The following LRTM1 variants were observed in gnomAD, a reference collection of about 807,000 sequenced individuals.
LRTM1 encodes the protein leucine-rich repeat and transmembrane domain-containing protein 1.
Under a neutral mutation model 32.4 loss-of-function variants are expected in LRTM1, and 38 were observed. The ratio of observed to expected loss-of-function variants is 1.17; its 90% CI spans 0.91 to 1.54. The LOEUF (loss-of-function observed/expected upper bound fraction) is 1.54. LRTM1 is among the 40% of genes most tolerant of loss of function. The pLI is 0.00. For synonymous variants in LRTM1, 186 were observed against 169.9 expected, an observed-to-expected ratio of 1.09 and a Z score of -0.74; for missense variants, 466 against 415.4, an observed-to-expected ratio of 1.12 and a Z score of -1.06.
chr3:54,929,821 G>A (rs1245589493), upstream of LRTM1, among the ~76,000 whole-genome samples: 1 of 151,990 alleles, frequency 6.6e-6, no homozygotes, highest in Non-Finnish European at 1.5e-5. Context: ...CATTATTAAT[G>A]GAAATACATA....
intron 1 of LRTM1, among the ~76,000 whole-genome samples, chr3:54,941,282 A>G (rs998078379): frequency 3.3e-5 from 5 of 152,332 alleles, no homozygotes; most frequent in Non-Finnish European, 4.4e-5. Context: ...TAAAATACTG[A>G]TTTGTGGATA....
At chr3:54,921,479 T>C (rs1029109986) in intron 2 of LRTM1, among the ~76,000 whole-genome samples, 4 of 152,190 alleles carry the variant, frequency 2.6e-5, no homozygotes, top group African/African-American at 9.6e-5. Flanking sequence ...GTGTGCATAT[T>C]TCTTTGGAGG....
chr3:54,935,628 A>G (rs1575389907), intron 1 of LRTM1, among the ~76,000 whole-genome samples: 2 of 152,310 alleles, frequency 1.3e-5, no homozygotes, highest in Admixed American at 6.5e-5. Flanking sequence ...GCTCATGTTA[A>G]CACATGAAAT....
chr3:54,924,714 G>C lies in LRTM1; in HGVS notation c.509C>G (p.Pro170Arg), dbSNP rs753911246. 4 of 1,614,116 alleles carry C rather than the reference G, an allele frequency of 2.5e-6. No homozygotes were observed. In the South Asian group the frequency reaches 4.4e-5, roughly 18 times the overall value. Residue 170 changes from proline to arginine, a missense_variant, in exon 2 of 3, where the codon CCC becomes CGC. Transcript: ENST00000273286. ...QLDRALLESM[P>R]SVRLLLLKDN... Reference sequence around the variant, plus strand: ...CTTGAGAAGTAAAAGCCTCACACTGGGCATGGATTCCAGGAGCGCTCGATC... The same window carrying C: ...CTTGAGAAGTAAAAGCCTCACACTGCGCATGGATTCCAGGAGCGCTCGATC...
intron 1 of LRTM1, among the ~76,000 whole-genome samples, chr3:54,956,875 C>T (rs370922515): frequency 1.3e-5 from 2 of 152,168 alleles, no homozygotes; most frequent in East Asian, 3.9e-4. Context: ...GAGCACACTA[C>T]ATCTTACAGT....
chr3:54,925,287 G>C, intron 1 of LRTM1, 72 bp from the exon 2 acceptor site: 2 of 1,240,838 alleles, frequency 1.6e-6, no homozygotes, highest in Admixed American at 1.9e-5. Context: ...TTCCGCCTTT[G>C]AATTTACAGG....
chr3:54,944,022 T>C (rs181503474), intron 1 of LRTM1, among the ~76,000 whole-genome samples: 17 of 152,346 alleles, frequency 1.1e-4, no homozygotes, highest in African/African-American at 3.8e-4. Context: ...GGCCATAGAA[T>C]ACCTGGCTGA....
chr3:54,947,218 G>T (rs1575399095), intron 1 of LRTM1, among the ~76,000 whole-genome samples: 1 of 152,270 alleles, frequency 6.6e-6, no homozygotes, highest in East Asian at 1.9e-4. Flanking sequence ...TCCACAGCTG[G>T]TAAGTGGGAT....
At chr3:54,935,258 C>T (rs1701300286) in intron 1 of LRTM1, among the ~76,000 whole-genome samples, 1 of 152,062 alleles carries the variant, frequency 6.6e-6, no homozygotes. Context: ...GTTAATCCTC[C>T]CTATACTGTC....
chr3:54,931,849 G>T (rs917698994), upstream of LRTM1, among the ~76,000 whole-genome samples: 1 of 152,134 alleles, frequency 6.6e-6, no homozygotes, highest in Non-Finnish European at 1.5e-5. Flanking sequence ...AATCCAGCAT[G>T]TAATAGCTCT....
At chr3:54,931,019 C>T (rs1701174873), upstream of LRTM1, among the ~76,000 whole-genome samples, 1 of 152,156 alleles carries the variant, frequency 6.6e-6, no homozygotes, top group Non-Finnish European at 1.5e-5. Context: ...TCGCTTGAAC[C>T]CAGGAGGCAG....
intron 1 of LRTM1, among the ~76,000 whole-genome samples, chr3:54,926,009 T>G (rs1701003737): frequency 6.6e-6 from 1 of 152,192 alleles, no homozygotes; most frequent in African/African-American, 2.4e-5. Context: ...CCTTCATGGG[T>G]TATTGTACTT....
chr3:54,941,596 A>G (rs1356339811), intron 1 of LRTM1, among the ~76,000 whole-genome samples: 1 of 152,168 alleles, frequency 6.6e-6, no homozygotes, highest in Non-Finnish European at 1.5e-5. Context: ...TCCCCTCACA[A>G]TGCCCCATAT....
chr3:54,950,979 C>T (rs957814677), intron 1 of LRTM1, among the ~76,000 whole-genome samples: 1 of 152,170 alleles, frequency 6.6e-6, no homozygotes, highest in Non-Finnish European at 1.5e-5. Flanking sequence ...TGAGTCTTCT[C>T]ACACCCAAGG....
rs1701972236 is a variant in LRTM1 at position 54,959,073 on chromosome 3, C to T, written c.-222+7855G>A. ...CCATGATCGCGCCACTGCACTCCAGCCTGGGCAACAGAGCAAGATCTTGCA... is the reference window on the plus strand; with the variant it reads ...CCATGATCGCGCCACTGCACTCCAGTCTGGGCAACAGAGCAAGATCTTGCA... On this transcript the variant is annotated intron_variant, in intron 1 of 2. Transcript: ENST00000493075. 2.6e-5 allele frequency among the ~76,000 whole-genome samples: 4 copies of T among 152,190 alleles called. No individual in the cohort carries two copies. The South Asian group carries it at 8.3e-4, about 32-fold the overall frequency.
chr3:54,918,339 T>TTC lies in LRTM1; in HGVS notation c.*119_*120insGA. 3.0e-6 allele frequency: 1 copy of TTC among 328,834 alleles called. No individual in the cohort carries two copies. The highest frequency in any genetic ancestry group is 4.8e-6 in the Non-Finnish European group (1 of 207,978). 20.4% of individuals were successfully genotyped at this position (328,834 alleles called of 1,614,324 possible). A position where few individuals can be genotyped will look rare whatever the true frequency, so the allele number is the denominator to read the frequency against. ...GACACATCTTTTTTTTTTCTTTTTT[T>TTC]TTTTTTTTTTTTTTTTGTCTTTTGG... On this transcript the variant is annotated 3_prime_UTR_variant, in exon 3 of 3. Coordinates refer to ENST00000273286, the MANE Select transcript of LRTM1 (RefSeq NM_020678.4).
In LRTM1 at chr3:54,924,995, G is replaced by A; in HGVS notation, c.228C>T (p.Leu76=). 2.5e-6 allele frequency: 4 copies of A among 1,613,832 alleles called. No individual in the cohort carries two copies. The highest frequency in any genetic ancestry group is 3.4e-6 in the Non-Finnish European group (4 of 1,179,730). Reference sequence around the variant, plus strand: ...AATTGTTGGACAAGTTTAAGGTCATGAGCCATGGCACTGACCTAAATGCAA... The same window carrying A: ...AATTGTTGGACAAGTTTAAGGTCATAAGCCATGGCACTGACCTAAATGCAA... The part of the protein sequence containing the change: ...PAFAFRSVPW[L]MTLNLSNNSL... The change falls in exon 2 of 3, where the codon CTC becomes CTT. Residue 76 remains leucine (L), a synonymous_variant. Coordinates refer to ENST00000273286, the MANE Select transcript of LRTM1 (RefSeq NM_020678.4).
chr3:54,962,695 T>C (rs574779973), intron 1 of LRTM1, among the ~76,000 whole-genome samples: 6 of 152,282 alleles, frequency 3.9e-5, no homozygotes, highest in Middle Eastern at 3.4e-3. Flanking sequence ...CAACTCCTGA[T>C]TGGAATTCAC....
At chr3:54,923,784 T>C (rs975679666) in intron 2 of LRTM1, among the ~76,000 whole-genome samples, 3 of 152,200 alleles carry the variant, frequency 2.0e-5, no homozygotes, top group Non-Finnish European at 2.9e-5. Flanking sequence ...CTCTGTGATC[T>C]TGGGCAAGTC....
Sources: gnomAD v4.1 joint callset for allele counts (sites outside exome capture counted in the v4.1 genomes callset) on GRCh38, gnomAD v4.1.1 for gene constraint, MANE v1.5 for transcripts, NCBI Gene and HGNC (gene_info 2026-07-23, HGNC 2026-07-21) for gene names.